ADAM12: variants seen among roughly 807,000 people sequenced by gnomAD.
ADAM12 encodes ADAM metallopeptidase domain 12.
ADAM12 carries 70 observed loss-of-function variants against 106.4 expected under a neutral mutation model. The observed-to-expected ratio is 0.66, with a 90% CI of 0.54 to 0.80. ADAM12 has a LOEUF of 0.80. ADAM12 is among the 30% of genes least tolerant of loss of function. The pLI, the probability that ADAM12 is intolerant of heterozygous loss-of-function variation, is 0.00. For missense variants in ADAM12, 1,010 were observed against 1,171.9 expected (o/e 0.86, Z 2.02); for synonymous variants, 420 against 433.5 (o/e 0.97, Z 0.39).
chr10:126,129,264 C>T (rs572799568), intron 5 of ADAM12, among the ~76,000 whole-genome samples: 1 of 152,312 alleles, frequency 6.6e-6, no homozygotes, highest in South Asian at 2.1e-4. Flanking sequence ...GGCAAGAGAA[C>T]CAGAAAAATT....
chr10:126,066,881 A>C lies in ADAM12; in HGVS notation c.1324-75T>G, dbSNP rs188758706. 7.8e-5 allele frequency: 109 copies of C among 1,404,532 alleles called. No homozygotes were observed. The highest frequency in any genetic ancestry group is 1.0e-4 in the Non-Finnish European group (105 of 1,002,980). The allele number at this position is 1,404,532 out of a possible 1,614,324, so 87.0% of individuals were successfully genotyped here. The stretch of plus-strand genomic sequence containing the variant: ...TCACTGAATGCAAACATCACACCTT[A>C]AATGGCTGCAAAAAGCAAGAAAGAC... On this transcript the variant is annotated intron_variant, in intron 12 of 22. Coordinates refer to ENST00000448723, the MANE Select transcript of ADAM12 (RefSeq NM_001288973.2). The surrounding 1 kb of genome is among the most constrained non-coding windows in gnomAD (Gnocchi z 5.1).
At chr10:126,045,830 A>G (rs1379289707) in intron 17 of ADAM12, among the ~76,000 whole-genome samples, 2 of 152,248 alleles carry the variant, frequency 1.3e-5, no homozygotes, top group Non-Finnish European at 2.9e-5. Context: ...TTAAAATCAT[A>G]GAATGTTAAT....
In ADAM12 at chr10:126,278,937, T is replaced by A. The variant is rs776914359; in HGVS notation, c.238A>T (p.Ile80Phe). Residue 80 changes from isoleucine to phenylalanine, a missense_variant, in exon 3 of 23, where the codon ATC (isoleucine) becomes TTC (phenylalanine). Physicochemically the swap from Ile to Phe is conservative, Grantham distance 21. Transcript: ENST00000448723. ...TACTCATTTCTTTCCAGATTTATGA[T>A]CAGTTCTTTGCTTTCCCGTTGTAGT... ...IRLQRESKEL[I>F]INLERNEGLI... 17 of 1,612,196 alleles carry A rather than the reference T, an allele frequency of 1.1e-5. No homozygotes were observed. The highest frequency in any genetic ancestry group is 1.4e-5 in the Non-Finnish European group (17 of 1,178,690).
intron 6 of ADAM12, among the ~76,000 whole-genome samples, chr10:126,112,771 C>A (rs58296019): frequency 0.055 from 8,385 of 152,164 alleles, 782 homozygotes; most frequent in African/African-American, 0.19. Flanking sequence ...TTGCACTAGG[C>A]CCTGTGTAGG....
chr10:126,366,146 TAAAC>T (rs1228765969), intron 1 of ADAM12, among the ~76,000 whole-genome samples: 5 of 152,168 alleles, frequency 3.3e-5, no homozygotes, highest in African/African-American at 9.6e-5. Context: ...AAAAATCTAA[TAAAC>T]AAGGTAGTAT....
intron 17 of ADAM12, among the ~76,000 whole-genome samples, chr10:126,044,844 C>T (rs1486129887): frequency 6.6e-6 from 1 of 152,168 alleles, no homozygotes; most frequent in Non-Finnish European, 1.5e-5. Flanking sequence ...TTGCCTGTCC[C>T]CTCAAAGATG....
At chr10:126,217,458 C>G (rs1469914357) in intron 3 of ADAM12, among the ~76,000 whole-genome samples, 1 of 151,298 alleles carries the variant, frequency 6.6e-6, no homozygotes, top group African/African-American at 2.4e-5. Flanking sequence ...ACTTCTGCCT[C>G]CAGGGTTCAA....
chr10:126,204,055 TGCAA>T (rs1957751983), intron 3 of ADAM12, among the ~76,000 whole-genome samples: 1 of 152,182 alleles, frequency 6.6e-6, no homozygotes, highest in African/African-American at 2.4e-5. Context: ...GAGCTGCCAA[TGCAA>T]GGCTGCCAGT....
chr10:126,383,697 C>T (rs950190331), intron 1 of ADAM12, among the ~76,000 whole-genome samples: 9 of 152,088 alleles, frequency 5.9e-5, no homozygotes, highest in Non-Finnish European at 1.2e-4. Flanking sequence ...GAAGAAATGC[C>T]TTATAAAATA....
intron 5 of ADAM12, among the ~76,000 whole-genome samples, chr10:126,132,995 T>C (rs929275278): frequency 1.3e-5 from 2 of 152,044 alleles, no homozygotes; most frequent in East Asian, 1.9e-4. Context: ...CACTCCCTTT[T>C]CCCTAACCCT....
chr10:126,192,306 T>C (rs1417641872), intron 3 of ADAM12, among the ~76,000 whole-genome samples: 1 of 152,198 alleles, frequency 6.6e-6, no homozygotes, highest in Non-Finnish European at 1.5e-5. Context: ...GCCTGGTACA[T>C]AGTAAATAAT....
chr10:126,345,774 T>A (rs879705960), intron 1 of ADAM12, among the ~76,000 whole-genome samples: 1 of 152,212 alleles, frequency 6.6e-6, no homozygotes, highest in Non-Finnish European at 1.5e-5. Flanking sequence ...GTTGAGGAAT[T>A]TATCCATTTC....
chr10:126,138,425 A>G (rs1043706950), intron 4 of ADAM12, among the ~76,000 whole-genome samples: 9 of 152,028 alleles, frequency 5.9e-5, no homozygotes, highest in Non-Finnish European at 1.3e-4. Context: ...CCTAGGCTGG[A>G]GTGCAGTGGC....
intron 3 of ADAM12, among the ~76,000 whole-genome samples, chr10:126,261,252 A>G (rs1271042438): frequency 6.6e-6 from 1 of 152,190 alleles, no homozygotes; most frequent in Non-Finnish European, 1.5e-5. Flanking sequence ...GTATGTTTAA[A>G]AATTCTATAT....
At chr10:126,239,828 T>G (rs953112643) in intron 3 of ADAM12, among the ~76,000 whole-genome samples, 1 of 152,234 alleles carries the variant, frequency 6.6e-6, no homozygotes, top group African/African-American at 2.4e-5. Flanking sequence ...GAATTGAAAT[T>G]TGGCCCCTTT....
At position 126,064,702 on chromosome 10, in the gene ADAM12, C is replaced by A. The variant is rs1954827872; in HGVS notation, c.1609+104G>T. ...CACACCGGATGCTGTGTGGACAGCG[C>A]CCGCCAGGAGTGGGGGCTAACCAAA... is the stretch of plus-strand genomic sequence containing the variant. On this transcript the variant is annotated intron_variant, in intron 14 of 22. Transcript: ENST00000448723. This position sits in a 1 kb window ranked among gnomAD's most constrained non-coding sequence, Gnocchi z 4.4. The A allele has an allele frequency of 8.0e-7, 1 of 1,256,458 alleles. No individual in the cohort carries two copies. Among genetic ancestry groups the A allele is most frequent in the Non-Finnish European group, 1.1e-6 (1 of 913,142 alleles). 77.8% of individuals were successfully genotyped at this position (1,256,458 alleles called of 1,614,324 possible). A position where few individuals can be genotyped will look rare whatever the true frequency, so the allele number is the denominator to read the frequency against.
At chr10:126,044,954 C>T (rs909828360) in intron 17 of ADAM12, among the ~76,000 whole-genome samples, 16 of 152,192 alleles carry the variant, frequency 1.1e-4, no homozygotes, top group Admixed American at 3.3e-4. Context: ...CAGGAAGGTG[C>T]TGCCGGGAGC....
intron 3 of ADAM12, among the ~76,000 whole-genome samples, chr10:126,243,662 T>C (rs537703874): frequency 1.3e-5 from 2 of 152,382 alleles, no homozygotes; most frequent in East Asian, 3.9e-4. Flanking sequence ...AGTGGTATTC[T>C]TGCAGATAGC....
intron 3 of ADAM12, among the ~76,000 whole-genome samples, chr10:126,268,321 G>T (rs975571732): frequency 1.3e-5 from 2 of 152,194 alleles, no homozygotes; most frequent in Admixed American, 6.5e-5. Flanking sequence ...TCCTTTTGAA[G>T]GCTGAATAAA....
Sources: allele counts gnomAD v4.1 joint callset (sites outside exome capture counted in the v4.1 genomes callset), GRCh38; gene constraint gnomAD v4.1.1; non-coding constraint Gnocchi (gnomAD v3.1); transcripts MANE v1.5; gene names NCBI Gene and HGNC (gene_info 2026-07-23, HGNC 2026-07-21).